GLCE: variants seen among roughly 807,000 people sequenced by gnomAD.
GLCE encodes the protein glucuronic acid epimerase, also known as D-glucuronyl C5-epimerase.
In GLCE, 19 loss-of-function variants were observed where a neutral mutation model predicts 47.9. That is an observed-to-expected ratio of 0.40 (90% confidence interval 0.28 to 0.58). GLCE has a LOEUF of 0.58. Ranked by LOEUF, GLCE falls within the 20% of genes least tolerant of loss-of-function variation. The pLI is 0.48. For synonymous variants in GLCE, 245 were observed against 263.4 expected, an observed-to-expected ratio of 0.93 and a Z score of 0.68; for missense variants, 556 against 743.3, an observed-to-expected ratio of 0.75 and a Z score of 2.93.
rs1240200912 is a variant in GLCE at position 69,271,419 on chromosome 15, T to G, written c.*2175T>G. 1 of 152,644 alleles carries G rather than the reference T, an allele frequency of 6.6e-6. No homozygotes were observed. Among genetic ancestry groups the G allele is most frequent in the Non-Finnish European group, 1.5e-5 (1 of 68,054 alleles). 9.5% of individuals were successfully genotyped at this position (152,644 alleles called of 1,614,324 possible). On this transcript the variant is annotated 3_prime_UTR_variant, in exon 5 of 5. Transcript: ENST00000261858. ...AATCTGCCTGTGAAGTATGATAGTC[T>G]GCATTTGTAATGAGCATTCAAGTGA...
At chr15:69,166,162 A>G (rs541237782) in intron 1 of GLCE, among the ~76,000 whole-genome samples, 1 of 152,330 alleles carries the variant, frequency 6.6e-6, no homozygotes, top group Non-Finnish European at 1.5e-5. Context: ...TAGCTGATGT[A>G]TGCAGGTTTT....
intron 1 of GLCE, among the ~76,000 whole-genome samples, chr15:69,208,144 T>C (rs763370069): frequency 3.3e-5 from 5 of 152,018 alleles, no homozygotes; most frequent in Non-Finnish European, 7.4e-5. Context: ...TTTTTAATTT[T>C]GTTGAAGTCC....
At chr15:69,228,281 C>T (rs2052476386) in intron 2 of GLCE, among the ~76,000 whole-genome samples, 1 of 152,052 alleles carries the variant, frequency 6.6e-6, no homozygotes, top group Admixed American at 6.6e-5. Flanking sequence ...TTGTATCAGA[C>T]AATTTTTATG....
chr15:69,207,315 G>A, intron 1 of GLCE, among the ~76,000 whole-genome samples: 1 of 151,954 alleles, frequency 6.6e-6, no homozygotes, highest in East Asian at 1.9e-4. Flanking sequence ...TGTGGGTTTT[G>A]ACAAATGCAT....
intron 3 of GLCE, among the ~76,000 whole-genome samples, chr15:69,258,408 A>T (rs2052963896): frequency 6.6e-6 from 1 of 152,126 alleles, no homozygotes; most frequent in Non-Finnish European, 1.5e-5. Context: ...TTTTATTCTG[A>T]TATTTTCTAC....
At chr15:69,222,018 C>A (rs1263468762) in intron 2 of GLCE, among the ~76,000 whole-genome samples, 1 of 152,034 alleles carries the variant, frequency 6.6e-6, no homozygotes, top group Non-Finnish European at 1.5e-5. Flanking sequence ...TTTATTGCCT[C>A]AAGAGTTTGC....
intron 1 of GLCE, among the ~76,000 whole-genome samples, chr15:69,195,928 G>A (rs1173408463): frequency 6.6e-6 from 1 of 152,036 alleles, no homozygotes; most frequent in African/African-American, 2.4e-5. Flanking sequence ...AAAAATTTCT[G>A]CCTCTATGGA....
rs192102443 is a variant in GLCE, at chr15:69,191,114, T to A, written c.-104-19202T>A. Among the ~76,000 whole-genome samples the A allele has an allele frequency of 1.3e-3, 197 of 152,290 alleles. 4 individuals are homozygous for A. The highest frequency in any genetic ancestry group is 4.4e-3 in the African/African-American group (184 of 41,574). On this transcript the variant is annotated intron_variant, in intron 1 of 4. Coordinates refer to ENST00000261858, the MANE Select transcript of GLCE (RefSeq NM_015554.3). Reference sequence around the variant, plus strand: ...TAAAGAGTTGTAAAAATAAGAAATATCTTTTATAGTTACCCACATATTTAC... The same window carrying A: ...TAAAGAGTTGTAAAAATAAGAAATAACTTTTATAGTTACCCACATATTTAC...
At position 69,256,525 on chromosome 15, in the gene GLCE, G is replaced by A. The variant is rs2052927939; in HGVS notation, c.586+133G>A. On this transcript the variant is annotated intron_variant, in intron 3 of 4. Coordinates refer to ENST00000261858, the MANE Select transcript of GLCE (RefSeq NM_015554.3). ...TTCATCACTCTAATTTAGCAGGGAG[G>A]AACAGGTTAAGCCTGAACCTAGGGC... 18 of 700,580 alleles carry A rather than the reference G, an allele frequency of 2.6e-5. No homozygotes were observed. The South Asian group carries it at 2.8e-4, about 11-fold the overall frequency. 43.4% of individuals were successfully genotyped at this position (700,580 alleles called of 1,614,324 possible).
intron 1 of GLCE, among the ~76,000 whole-genome samples, chr15:69,188,836 C>T (rs2051871214): frequency 6.6e-6 from 1 of 152,104 alleles, no homozygotes; most frequent in East Asian, 1.9e-4. Flanking sequence ...TTATTGATCT[C>T]AGAGAGCCAG....
At chr15:69,262,840 G>A (rs1950818356) in intron 4 of GLCE, among the ~76,000 whole-genome samples, 1 of 152,132 alleles carries the variant, frequency 6.6e-6, no homozygotes, top group South Asian at 2.1e-4. Flanking sequence ...AGCTGGGAAT[G>A]GAATTCTGTG....
chr15:69,255,270 C>G (rs1335927046), intron 2 of GLCE, among the ~76,000 whole-genome samples: 1 of 151,992 alleles, frequency 6.6e-6, no homozygotes. Context: ...GTTGAGCATC[C>G]CAAGTTCAGA....
chr15:69,235,090 A>AATCTTTTTTTTTT (rs1163529945), intron 2 of GLCE, among the ~76,000 whole-genome samples: 2 of 82,512 alleles, frequency 2.4e-5, no homozygotes, highest in African/African-American at 1.1e-4. Flanking sequence ...GATGAAGATT[A>AATCTTTTTTTTTT]TTCTTTTTTT....
chr15:69,166,729 G>A (rs2051506972), intron 1 of GLCE, among the ~76,000 whole-genome samples: 1 of 152,010 alleles, frequency 6.6e-6, no homozygotes, highest in Non-Finnish European at 1.5e-5. Flanking sequence ...AGACCAGCCT[G>A]GCTAACATGG....
At chr15:69,254,729 G>T (rs2052897553) in intron 2 of GLCE, among the ~76,000 whole-genome samples, 1 of 152,148 alleles carries the variant, frequency 6.6e-6, no homozygotes, top group Admixed American at 6.5e-5. Flanking sequence ...AGTTTTGGAT[G>T]TTATTTCAGA....
chr15:69,174,210 G>A (rs1053356200), intron 1 of GLCE, among the ~76,000 whole-genome samples: 1 of 152,188 alleles, frequency 6.6e-6, no homozygotes, highest in Non-Finnish European at 1.5e-5. Flanking sequence ...CAAGATTTTA[G>A]TCTTGTTTTA....
At chr15:69,238,568 C>T (rs2140415117) in intron 2 of GLCE, among the ~76,000 whole-genome samples, 1 of 152,268 alleles carries the variant, frequency 6.6e-6, no homozygotes, top group African/African-American at 2.4e-5. Flanking sequence ...CTTCCTTTCT[C>T]ATTGAAATGA....
At chr15:69,265,434 C>T (rs2053072047) in intron 4 of GLCE, among the ~76,000 whole-genome samples, 1 of 152,050 alleles carries the variant, frequency 6.6e-6, no homozygotes, top group African/African-American at 2.4e-5. Context: ...CTCTGTATAT[C>T]TATAAAATGG....
At chr15:69,177,690 TCA>T (rs2051689764) in intron 1 of GLCE, among the ~76,000 whole-genome samples, 2 of 137,520 alleles carry the variant, frequency 1.5e-5, no homozygotes, top group Admixed American at 1.4e-4. Context: ...TGCCCCTTTA[TCA>T]TCTTTACTTC....
Sources: gnomAD v4.1 joint callset for allele counts (sites outside exome capture counted in the v4.1 genomes callset) on GRCh38, gnomAD v4.1.1 for gene constraint, MANE v1.5 for transcripts, NCBI Gene and HGNC (gene_info 2026-07-23, HGNC 2026-07-21) for gene names.